Variants in RABGEF1 observed in about 807,000 individuals in gnomAD.
RABGEF1 encodes rab5 GDP/GTP exchange factor.
RABGEF1 carries 26 observed loss-of-function variants against 57.3 expected under a neutral mutation model. The observed-to-expected ratio is 0.45, with a 90% CI of 0.33 to 0.63. RABGEF1 has a LOEUF of 0.63. RABGEF1 is among the 20% of genes least tolerant of loss of function. RABGEF1 has a pLI of 0.02. For synonymous variants in RABGEF1, 185 were observed against 210.7 expected (o/e 0.88, Z 1.06); for missense variants, 464 against 607.6 (o/e 0.76, Z 2.48).
intron 1 of RABGEF1, among the ~76,000 whole-genome samples, chr7:66,764,275 A>G (rs573030226): frequency 6.6e-6 from 1 of 152,282 alleles, no homozygotes; most frequent in Admixed American, 6.5e-5. Flanking sequence ...ATCTTTCTGG[A>G]GAAATGTCCA....
chr7:66,774,526 T>G (rs1808033594), intron 2 of RABGEF1, among the ~76,000 whole-genome samples: 1 of 152,208 alleles, frequency 6.6e-6, no homozygotes, highest in African/African-American at 2.4e-5. Flanking sequence ...TACATTCAGC[T>G]TGTTGTGAAG....
chr7:66,758,838 CAT>C (rs760642347), intron 1 of RABGEF1, among the ~76,000 whole-genome samples: 3 of 152,154 alleles, frequency 2.0e-5, no homozygotes, highest in Non-Finnish European at 2.9e-5. Flanking sequence ...ACATTAGTCC[CAT>C]GATAGGTGTT....
At chr7:66,701,183 A>G (rs924490434) in intron 1 of RABGEF1, among the ~76,000 whole-genome samples, 2 of 152,168 alleles carry the variant, frequency 1.3e-5, no homozygotes, top group African/African-American at 4.8e-5. Context: ...AGTGTCACCA[A>G]CAGGGCAGGA....
At chr7:66,683,687 G>A (rs1372308510) in intron 1 of RABGEF1, among the ~76,000 whole-genome samples, 2 of 151,956 alleles carry the variant, frequency 1.3e-5, no homozygotes, top group Non-Finnish European at 2.9e-5. Context: ...AGGGAGAGGG[G>A]GGAACCAAAG....
chr7:66,749,743 G>A (rs1448948604), intron 1 of RABGEF1, among the ~76,000 whole-genome samples: 4 of 152,186 alleles, frequency 2.6e-5, no homozygotes, highest in South Asian at 2.1e-4. Flanking sequence ...AGGCCAAGGC[G>A]GGCGGATCAC....
intron 1 of RABGEF1, among the ~76,000 whole-genome samples, chr7:66,762,264 G>A (rs1231899131): frequency 6.6e-6 from 1 of 152,104 alleles, no homozygotes; most frequent in South Asian, 2.1e-4. Flanking sequence ...CAGACCAATG[G>A]GTAAATAAGT....
At chr7:66,771,634 T>C (rs1195074559) in intron 1 of RABGEF1, among the ~76,000 whole-genome samples, 1 of 148,154 alleles carries the variant, frequency 6.7e-6, no homozygotes, top group African/African-American at 2.6e-5. Context: ...CCTTTCTTAA[T>C]TTTTTATTTT....
upstream of RABGEF1, among the ~76,000 whole-genome samples, chr7:66,738,030 T>TTTTTTTTTTTTTTTTTG (rs1562756395): frequency 6.8e-6 from 1 of 146,890 alleles, no homozygotes; most frequent in African/African-American, 2.5e-5. Flanking sequence ...TTTGTTTTTT[T>TTTTTTTTTTTTTTTTTG]TTTTTTTTGA....
At chr7:66,662,065 GTC>G in the RABGEF1 span, among the ~76,000 whole-genome samples, 8 of 152,130 alleles carry the variant, frequency 5.3e-5, no homozygotes, top group South Asian at 1.7e-3. Context: ...GTGAAACCCC[GTC>G]TCTACTAAAA....
rs548191112 is a variant in RABGEF1 at position 66,706,327 on chromosome 7, C to T, written c.-872-5840C>T. On this transcript the variant is annotated intron_variant and NMD_transcript_variant, in intron 1 of 9. Transcript: ENST00000607882. The stretch of plus-strand genomic sequence containing the variant: ...AACATATACTTTCATTTCTCTTATG[C>T]GATACCTAGGAATGAAGTGACTAGG... 3.3e-5 allele frequency among the ~76,000 whole-genome samples: 5 copies of T among 152,164 alleles called. No homozygotes were observed. In the South Asian group the frequency reaches 1.0e-3, roughly 32 times the overall value.
intron 8 of RABGEF1, among the ~76,000 whole-genome samples, chr7:66,806,292 G>T (rs1788424573): frequency 6.6e-6 from 1 of 152,074 alleles, no homozygotes; most frequent in Non-Finnish European, 1.5e-5. Context: ...TTATTTCTAG[G>T]TTCTAAGTAT....
intron 3 of RABGEF1, among the ~76,000 whole-genome samples, chr7:66,780,106 G>A (rs1809538705): frequency 1.3e-5 from 2 of 152,204 alleles, no homozygotes; most frequent in Admixed American, 1.3e-4. Flanking sequence ...GAGGCATGTT[G>A]TAAGCAAAGC....
chr7:66,664,492 C>T, the RABGEF1 span, among the ~76,000 whole-genome samples: 3 of 151,572 alleles, frequency 2.0e-5, no homozygotes, highest in Admixed American at 2.0e-4. Flanking sequence ...ACTCAGGAGG[C>T]TGAGGTGGGA....
chr7:66,782,588 AAC>A (rs1810214379), intron 3 of RABGEF1, among the ~76,000 whole-genome samples: 1 of 150,748 alleles, frequency 6.6e-6, no homozygotes, highest in South Asian at 2.1e-4. Flanking sequence ...CTCCTGCTTT[AAC>A]CCCCACAAAT....
At chr7:66,801,188 G>A (rs1456291395) in intron 7 of RABGEF1, among the ~76,000 whole-genome samples, 1 of 152,220 alleles carries the variant, frequency 6.6e-6, no homozygotes, top group East Asian at 1.9e-4. Context: ...TTAGGACAAG[G>A]AGAGTGTCAG....
intron 2 of RABGEF1, among the ~76,000 whole-genome samples, chr7:66,735,219 T>C: frequency 6.6e-6 from 1 of 152,216 alleles, no homozygotes; most frequent in Non-Finnish European, 1.5e-5. Context: ...TGTGTTATCA[T>C]GGCTTGCATT....
rs71049476 is a variant in RABGEF1 at position 66,696,689 on chromosome 7, CAAA to C, written c.-873+14452_-873+14454del. ...TGGGTGACAGGGCGAGACTCCGTCTCAAAAAAAAAAAAAAAAAAAAAAAGAAAA... is the reference window on the plus strand; with the variant it reads ...TGGGTGACAGGGCGAGACTCCGTCTCAAAAAAAAAAAAAAAAAAAAGAAAA... On this transcript the variant is annotated intron_variant and NMD_transcript_variant, in intron 1 of 9. Transcript: ENST00000607882. Among the ~76,000 whole-genome samples the C allele has an allele frequency of 1.3e-3, 86 of 66,314 alleles. No individual in the cohort carries two copies. In the East Asian group the frequency reaches 0.028, roughly 21 times the overall value. The allele number at this position is 66,314 out of a possible 152,430, so 43.5% of individuals were successfully genotyped here. A position where few individuals can be genotyped will look rare whatever the true frequency, so the allele number is the denominator to read the frequency against.
intron 2 of RABGEF1, among the ~76,000 whole-genome samples, chr7:66,724,785 A>G (rs889656037): frequency 2.0e-5 from 3 of 152,168 alleles, no homozygotes; most frequent in African/African-American, 7.2e-5. Context: ...CTCCAATTAT[A>G]TGTGTGTTGG....
In RABGEF1 at chr7:66,751,887, C is replaced by A. The variant is rs184394560; in HGVS notation, c.-18+11095C>A. ...GATCTTTGACTCCTATTTCACTGGG[C>A]CCTTGAGTCCCAAAAGTCAAAATCT... On this transcript the variant is annotated intron_variant, in intron 1 of 8. Coordinates refer to ENST00000284957, the MANE Select transcript of RABGEF1 (RefSeq NM_014504.3). Among the ~76,000 whole-genome samples, 558 of 152,274 alleles carry A rather than the reference C, an allele frequency of 3.7e-3. 7 individuals carry two copies. The highest frequency in any genetic ancestry group is 6.8e-3 in the Middle Eastern group (2 of 294).
Sources: gnomAD v4.1 joint callset for allele counts (sites outside exome capture counted in the v4.1 genomes callset) on GRCh38, gnomAD v4.1.1 for gene constraint, MANE v1.5 for transcripts, NCBI Gene and HGNC (gene_info 2026-07-23, HGNC 2026-07-21) for gene names.